FAM184B: variants seen among roughly 807,000 people sequenced by gnomAD.
FAM184B encodes the protein protein FAM184B.
FAM184B carries 111 observed loss-of-function variants against 135.9 expected under a neutral mutation model. That is an observed-to-expected ratio of 0.82 (90% CI 0.70 to 0.96). The LOEUF is 0.96. Among genes scored for constraint, FAM184B ranks in the 40% least tolerant of loss-of-function variants. The pLI is 0.00. For missense variants in FAM184B, 1,375 were observed against 1,323.9 expected (o/e 1.04, Z -0.60); for synonymous variants, 552 against 524.8 (o/e 1.05, Z -0.71).
At chr4:17,769,806 AC>A (rs1474417841) in intron 1 of FAM184B, among the ~76,000 whole-genome samples, 1 of 152,244 alleles carries the variant, frequency 6.6e-6, no homozygotes, top group Non-Finnish European at 1.5e-5. Flanking sequence ...ATGGGTGCCC[AC>A]CACTTGCCAG....
Position 17,652,930 on chromosome 4 carries a change from G to C in FAM184B, c.2091C>G (p.His697Gln), listed in dbSNP as rs753436906. The change falls in exon 11 of 18, where the codon CAC (histidine) becomes CAG (glutamine). Residue 697 changes from histidine to glutamine, a missense_variant. Transcript: ENST00000265018. The stretch of plus-strand genomic sequence containing the variant: ...CCTGGAGCTCCAGTCGGTGTGTCTG[G>C]TGTTGGATCTGGAGGCTGTGGCTGG... ...KESSHSLQIQ[H>Q]QTHRLELQAL... 1.3e-6 allele frequency: 2 copies of C among 1,551,738 alleles called. No individual in the cohort carries two copies. The highest frequency in any genetic ancestry group is 2.4e-5 in the South Asian group (2 of 84,064).
chr4:17,780,661 TTGATAG>T (rs1719014658), intron 1 of FAM184B, among the ~76,000 whole-genome samples: 2 of 152,098 alleles, frequency 1.3e-5, no homozygotes, highest in Admixed American at 1.3e-4. Context: ...TGCACCCAGT[TTGATAG>T]TAAGTCCCCT....
At chr4:17,731,734 C>T (rs566574101) in intron 1 of FAM184B, among the ~76,000 whole-genome samples, 1 of 152,194 alleles carries the variant, frequency 6.6e-6, no homozygotes, top group Non-Finnish European at 1.5e-5. Flanking sequence ...TAATGGGAGA[C>T]TTTAACACCC....
At chr4:17,664,417 A>G in intron 8 of FAM184B, 145 bp downstream of exon 8, 1 of 626,744 alleles carries the variant, frequency 1.6e-6, no homozygotes, top group Non-Finnish European at 2.7e-6. Context: ...TGCTGAAGAC[A>G]TACAAGATAT....
At chr4:17,744,490 CCACACA>C (rs1553841921) in intron 1 of FAM184B, among the ~76,000 whole-genome samples, 1 of 137,394 alleles carries the variant, frequency 7.3e-6, no homozygotes, top group African/African-American at 2.8e-5. Context: ...CACACACACA[CCACACA>C]CACACACACA....
chr4:17,702,267 T>C (rs2108962640), intron 5 of FAM184B, among the ~76,000 whole-genome samples: 1 of 152,326 alleles, frequency 6.6e-6, no homozygotes, highest in South Asian at 2.1e-4. Context: ...CAAATGAGAA[T>C]TGCAGAAGTG....
intron 1 of FAM184B, among the ~76,000 whole-genome samples, chr4:17,741,508 AC>A (rs562247286): frequency 1.0e-3 from 156 of 152,232 alleles, no homozygotes; most frequent in Non-Finnish European, 1.8e-3. Context: ...AGCCTGGCCA[AC>A]ATGATGAAAC....
intron 14 of FAM184B, among the ~76,000 whole-genome samples, chr4:17,638,694 T>C (rs1235847851): frequency 6.6e-6 from 1 of 152,226 alleles, no homozygotes; most frequent in Non-Finnish European, 1.5e-5. Context: ...ACAATTCTAA[T>C]TGAGCAGCCC....
In FAM184B at chr4:17,696,169, C is replaced by CA. The variant is rs1716851547; in HGVS notation, c.1378-2758dup. On this transcript the variant is annotated intron_variant, in intron 5 of 17. Transcript: ENST00000265018. Reference sequence around the variant, plus strand: ...GAAAGCAGTATGACTTAGGTACTACCACTAAGCCTTATTGTAAAGATAAAG... The same window carrying CA: ...GAAAGCAGTATGACTTAGGTACTACCAACTAAGCCTTATTGTAAAGATAAAG... Among the ~76,000 whole-genome samples the CA allele has an allele frequency of 2.0e-5, 3 of 152,160 alleles. No homozygotes were observed. The South Asian group carries it at 6.2e-4, about 32-fold the overall frequency.
intron 1 of FAM184B, among the ~76,000 whole-genome samples, chr4:17,744,458 C>CTG: frequency 1.5e-5 from 2 of 136,074 alleles, no homozygotes; most frequent in South Asian, 4.8e-4. Context: ...TTCTCTCTCT[C>CTG]TCTCACACAC....
chr4:17,688,849 G>A (rs375141264), intron 6 of FAM184B, among the ~76,000 whole-genome samples: 4 of 151,854 alleles, frequency 2.6e-5, no homozygotes, highest in African/African-American at 4.8e-5. Flanking sequence ...GCACCACCAC[G>A]CCCAGCTAAT....
At chr4:17,633,960 A>G (rs1715045974) in intron 16 of FAM184B, 72 bp from the exon 17 acceptor site, 7 of 1,193,330 alleles carry the variant, frequency 5.9e-6, no homozygotes, top group Non-Finnish European at 7.7e-6. Context: ...GTAAAAGCAA[A>G]TAATGCTCAC....
At chr4:17,692,188 G>A (rs1163360113) in intron 6 of FAM184B, among the ~76,000 whole-genome samples, 1 of 152,114 alleles carries the variant, frequency 6.6e-6, no homozygotes, top group Non-Finnish European at 1.5e-5. Flanking sequence ...AGAGATGGAG[G>A]GAGGGAGAAG....
intron 12 of FAM184B, 111 bp from the exon 13 acceptor site, chr4:17,642,339 G>A: frequency 2.9e-6 from 4 of 1,375,620 alleles, no homozygotes; most frequent in Non-Finnish European, 3.7e-6. Context: ...CCCCGCCCAG[G>A]CTGGAGCCTG....
chr4:17,726,207 A>T (rs550432660), intron 1 of FAM184B, among the ~76,000 whole-genome samples: 30 of 152,132 alleles, frequency 2.0e-4, no homozygotes, highest in South Asian at 8.3e-4. Flanking sequence ...TACAGGTGTG[A>T]GCCACCGTGC....
At chr4:17,740,427 A>G (rs1019904539) in intron 1 of FAM184B, among the ~76,000 whole-genome samples, 2 of 152,158 alleles carry the variant, frequency 1.3e-5, no homozygotes, top group African/African-American at 4.8e-5. Flanking sequence ...CACCACAACA[A>G]CAATGTAAAA....
chr4:17,709,697 G>A (rs2108966690), intron 1 of FAM184B, 53 bp from the exon 2 acceptor site: 1 of 1,423,486 alleles, frequency 7.0e-7, no homozygotes, highest in East Asian at 2.5e-5. Flanking sequence ...GGGTGTGGGA[G>A]GGCTGAGGGG....
intron 1 of FAM184B, among the ~76,000 whole-genome samples, chr4:17,741,880 G>C (rs1376597841): frequency 2.0e-5 from 3 of 152,122 alleles, no homozygotes; most frequent in African/African-American, 7.2e-5. Context: ...GTGGTTACCA[G>C]TGGTTGGGGC....
intron 1 of FAM184B, among the ~76,000 whole-genome samples, chr4:17,763,408 A>ACG (rs1363658460): frequency 6.6e-6 from 1 of 151,342 alleles, no homozygotes; most frequent in African/African-American, 2.4e-5. Context: ...ACACACAAAC[A>ACG]CACACACACA....
Sources: allele counts gnomAD v4.1 joint callset (sites outside exome capture counted in the v4.1 genomes callset), GRCh38; gene constraint gnomAD v4.1.1; transcripts MANE v1.5; gene names NCBI Gene and HGNC (gene_info 2026-07-23, HGNC 2026-07-21).